Variants in RFX3 observed in about 807,000 individuals in gnomAD.
RFX3 encodes regulatory factor X3.
In RFX3, 14 loss-of-function variants were observed where a neutral mutation model predicts 98.6. The observed-to-expected ratio is 0.14, with a 90% confidence interval of 0.09 to 0.22. The LOEUF is 0.22. Ranked by LOEUF, RFX3 falls within the 10% of genes least tolerant of loss-of-function variation. RFX3 has a pLI of 1.00. For synonymous variants in RFX3, 383 were observed against 328.4 expected, an observed-to-expected ratio of 1.17 and a Z score of -1.80; for missense variants, 639 against 926.9, an observed-to-expected ratio of 0.69 and a Z score of 4.03.
intron 14 of RFX3, among the ~76,000 whole-genome samples, chr9:3,254,076 T>C (rs1469315921): frequency 4.6e-5 from 7 of 152,080 alleles, no homozygotes; most frequent in Non-Finnish European, 8.8e-5. Context: ...TAATAGTATC[T>C]AATAATAACA....
At chr9:3,227,656 T>C (rs1399533334) in intron 16 of RFX3, among the ~76,000 whole-genome samples, 1 of 152,218 alleles carries the variant, frequency 6.6e-6, no homozygotes. Context: ...AAATTTGGGT[T>C]ATGAGGCTTT....
rs181048318 is a variant in RFX3, at chr9:3,472,689, T to A, written c.-9+53058A>T. Among the ~76,000 whole-genome samples the A allele has an allele frequency of 9.2e-5, 14 of 152,314 alleles. No homozygotes were observed. In the East Asian group the frequency reaches 2.7e-3, roughly 29 times the overall value. ...ATTCATTTCTTTGTTAAATCAGATA[T>A]GTAGCAACCATTATTTTGTCAGTGA... On this transcript the variant is annotated intron_variant, in intron 1 of 16. Coordinates refer to ENST00000617270, the MANE Select transcript of RFX3 (RefSeq NM_001282116.2).
Position 3,224,827 on chromosome 9 carries a change from G to GA in RFX3, c.*214dup. 1 of 445,266 alleles carries GA rather than the reference G, an allele frequency of 2.2e-6. No individual in the cohort carries two copies. Among genetic ancestry groups the GA allele is most frequent in the Non-Finnish European group, 3.9e-6 (1 of 254,510 alleles). 27.6% of individuals were successfully genotyped at this position (445,266 alleles called of 1,614,324 possible). On this transcript the variant is annotated 3_prime_UTR_variant, in exon 17 of 17. Transcript: ENST00000617270. ...TCCTTCTTGACACCTGAAACTAAGG[G>GA]AAAAAATTCATTATTAAGAAGCAAA...
At position 3,330,239 on chromosome 9, in the gene RFX3, C is replaced by T; in HGVS notation, c.474+20G>A. 1.9e-6 allele frequency: 3 copies of T among 1,613,174 alleles called. No individual in the cohort carries two copies. The highest frequency in any genetic ancestry group is 2.5e-6 in the Non-Finnish European group (3 of 1,179,436). ...GACTATTAAAAGCTAAACTAAACTA[C>T]TAAAAATTCAAATACTTACTGTCGC... On this transcript the variant is annotated intron_variant, in intron 4 of 16. Coordinates refer to ENST00000617270, the MANE Select transcript of RFX3 (RefSeq NM_001282116.2).
intron 4 of RFX3, among the ~76,000 whole-genome samples, chr9:3,316,325 G>A (rs1021352618): frequency 5.1e-4 from 77 of 152,088 alleles, no homozygotes; most frequent in African/African-American, 1.8e-3. Context: ...AAATTCAATG[G>A]CCCTTCATGC....
chr9:3,369,954 G>C (rs1041479892), intron 2 of RFX3, among the ~76,000 whole-genome samples: 1 of 150,522 alleles, frequency 6.6e-6, no homozygotes, highest in Non-Finnish European at 1.5e-5. Flanking sequence ...TCAGCCTCCC[G>C]AGTAGCTGGG....
chr9:3,424,348 C>CTTTTTTTTTT (rs748693786), intron 1 of RFX3, among the ~76,000 whole-genome samples: 1 of 76,008 alleles, frequency 1.3e-5, no homozygotes, highest in Non-Finnish European at 2.3e-5. Flanking sequence ...ACATAATTGA[C>CTTTTTTTTTT]TTTTTTTTTT....
At chr9:3,511,415 C>A (rs1204858828) in intron 1 of RFX3, among the ~76,000 whole-genome samples, 1 of 151,766 alleles carries the variant, frequency 6.6e-6, no homozygotes, top group Non-Finnish European at 1.5e-5. Context: ...AGTCTGGCCT[C>A]AGTCAAATAA....
chr9:3,355,802 C>G (rs1248176146), intron 2 of RFX3, among the ~76,000 whole-genome samples: 1 of 151,832 alleles, frequency 6.6e-6, no homozygotes, highest in Admixed American at 6.6e-5. Flanking sequence ...CAAGTCCCAA[C>G]AAATTTAAAA....
rs748786369 is a variant in RFX3, at chr9:3,257,135, T to C, written c.1670A>G (p.Lys557Arg). 3.1e-6 allele frequency: 5 copies of C among 1,614,028 alleles called. No homozygotes were observed. Among genetic ancestry groups the C allele is most frequent in the African/African-American group, 1.3e-5 (1 of 74,996 alleles). Residue 557 changes from lysine (K) to arginine (R), a missense_variant, in exon 14 of 17, where the codon AAG becomes AGG. Around this residue, in one of 9 missense-constraint regions of RFX3, gnomAD observed 138 missense variants for 308.9 expected, o/e 0.45. Transcript: ENST00000617270. ...NMVQRLETDFKMTLQQQSTLE... is the reference protein window; with the variant it reads ...NMVQRLETDFRMTLQQQSTLE... ...GGTGCTCTGCTGCTGAAGAGTCATC[T>C]TGAAGTCTGTTTCTAGTCTCTGAAC...
rs957601104 is a variant in RFX3 at position 3,421,673 on chromosome 9, A to G, written c.-8-26077T>C. 2.0e-5 allele frequency among the ~76,000 whole-genome samples: 3 copies of G among 152,184 alleles called. No homozygotes were observed. In the East Asian group the frequency reaches 5.8e-4, roughly 29 times the overall value. On this transcript the variant is annotated intron_variant, in intron 1 of 16. Coordinates refer to ENST00000617270, the MANE Select transcript of RFX3 (RefSeq NM_001282116.2). ...GTATTACTCTGTTTACAGATGGACA[A>G]ATCAAAGCATGGAGCTCGTTTATTG...
chr9:3,415,532 G>A (rs1424636607), intron 1 of RFX3, among the ~76,000 whole-genome samples: 1 of 152,134 alleles, frequency 6.6e-6, no homozygotes, highest in Non-Finnish European at 1.5e-5. Context: ...GGTTGCTGCT[G>A]TTAGATGCTG....
chr9:3,386,735 T>C (rs1410285144), intron 2 of RFX3, among the ~76,000 whole-genome samples: 1 of 152,134 alleles, frequency 6.6e-6, no homozygotes, highest in Non-Finnish European at 1.5e-5. Flanking sequence ...AAGTGCACAG[T>C]TTCAAGTTGG....
chr9:3,299,865 T>C (rs1192330979), intron 5 of RFX3, among the ~76,000 whole-genome samples: 1 of 151,766 alleles, frequency 6.6e-6, no homozygotes, highest in Non-Finnish European at 1.5e-5. Flanking sequence ...AATACTAAGA[T>C]GAATAACTGA....
chr9:3,320,926 G>C (rs1308491825), intron 4 of RFX3, among the ~76,000 whole-genome samples: 5 of 151,218 alleles, frequency 3.3e-5, no homozygotes, highest in Non-Finnish European at 7.4e-5. Flanking sequence ...TCTTTTTTGA[G>C]ACAGAGTCTC....
chr9:3,486,413 A>G (rs1191647481), intron 1 of RFX3, among the ~76,000 whole-genome samples: 6 of 152,174 alleles, frequency 3.9e-5, no homozygotes, highest in South Asian at 2.1e-4. Context: ...AGAAATACAA[A>G]TAAATTTGAA....
chr9:3,413,460 AAC>A (rs1286950828), intron 1 of RFX3, among the ~76,000 whole-genome samples: 2 of 152,096 alleles, frequency 1.3e-5, no homozygotes, highest in Admixed American at 1.3e-4. Context: ...CTAAGAAGTG[AAC>A]ACTTTTATTT....
chr9:3,274,370 A>G (rs1824923219), intron 9 of RFX3, among the ~76,000 whole-genome samples: 1 of 152,220 alleles, frequency 6.6e-6, no homozygotes, highest in African/African-American at 2.4e-5. Context: ...GATCACAAAT[A>G]TCCCTGGAAT....
At chr9:3,504,905 T>C (rs1316128756) in intron 1 of RFX3, among the ~76,000 whole-genome samples, 1 of 63,346 alleles carries the variant, frequency 1.6e-5, no homozygotes, top group Non-Finnish European at 2.4e-5. Context: ...ATATATTATA[T>C]ATATATATAA....
Sources: allele counts gnomAD v4.1 joint callset (sites outside exome capture counted in the v4.1 genomes callset), GRCh38; gene constraint gnomAD v4.1.1; regional missense constraint gnomAD v4.1.1; transcripts MANE v1.5; gene names NCBI Gene and HGNC (gene_info 2026-07-23, HGNC 2026-07-21).